SOCS6: variants seen among roughly 807,000 people sequenced by gnomAD.
The protein encoded by SOCS6 is STAT induced STAT inhibitor-4.
A neutral mutation model predicts 27.7 loss-of-function variants in SOCS6; 5 were observed. The observed-to-expected ratio is 0.18, with a 90% CI of 0.09 to 0.38. The LOEUF (loss-of-function observed/expected upper bound fraction) is 0.38. Ranked by LOEUF, SOCS6 falls within the 10% of genes least tolerant of loss-of-function variation. The pLI, the probability that SOCS6 is intolerant of heterozygous loss-of-function variation, is 1.00. For synonymous variants in SOCS6, 271 were observed against 260.0 expected, an observed-to-expected ratio of 1.04 and a Z score of -0.41; for missense variants, 595 against 688.1, an observed-to-expected ratio of 0.86 and a Z score of 1.51.
intron 1 of SOCS6, among the ~76,000 whole-genome samples, chr18:70,313,292 T>G (rs959484486): frequency 6.6e-6 from 1 of 152,210 alleles, no homozygotes; most frequent in African/African-American, 2.4e-5. Context: ...ACAGCACAGT[T>G]TATGTTACAA....
chr18:70,313,734 T>C (rs920183083), intron 1 of SOCS6, among the ~76,000 whole-genome samples: 3 of 152,212 alleles, frequency 2.0e-5, no homozygotes, highest in African/African-American at 7.2e-5. Flanking sequence ...TTCCCTCCTC[T>C]AGCGTTAAGC....
At chr18:70,304,458 C>T (rs2062360986) in intron 1 of SOCS6, among the ~76,000 whole-genome samples, 1 of 152,094 alleles carries the variant, frequency 6.6e-6, no homozygotes. Flanking sequence ...TTCTCTGCAT[C>T]CCTCCCTTTG....
At chr18:70,308,810 A>G (rs2062379234) in intron 1 of SOCS6, among the ~76,000 whole-genome samples, 1 of 152,120 alleles carries the variant, frequency 6.6e-6, no homozygotes, top group African/African-American at 2.4e-5. Context: ...TCATTTTGAA[A>G]TGCCCCTTTT....
chr18:70,294,130 A>G (rs1225084819), intron 1 of SOCS6, among the ~76,000 whole-genome samples: 2 of 151,956 alleles, frequency 1.3e-5, no homozygotes, highest in African/African-American at 2.4e-5. Context: ...GAGATAATGC[A>G]TGTTAGTGTA....
chr18:70,312,086 A>T (rs1568601030), intron 1 of SOCS6, among the ~76,000 whole-genome samples: 1 of 152,218 alleles, frequency 6.6e-6, no homozygotes, highest in African/African-American at 2.4e-5. Context: ...CATCACATAT[A>T]TTAATGCATT....
At chr18:70,320,048 G>A (rs1029450667) in intron 1 of SOCS6, among the ~76,000 whole-genome samples, 2 of 151,944 alleles carry the variant, frequency 1.3e-5, no homozygotes, top group Non-Finnish European at 2.9e-5. Flanking sequence ...CTGGAGTGCA[G>A]TGGTGTGATC....
chr18:70,296,743 A>G (rs2062324501), intron 1 of SOCS6: 1 of 152,178 alleles, frequency 6.6e-6, no homozygotes, highest in Non-Finnish European at 1.5e-5. Context: ...TTGCCTAAAT[A>G]CTAACATTTT....
intron 1 of SOCS6, among the ~76,000 whole-genome samples, chr18:70,294,040 G>A (rs369006736): frequency 1.3e-5 from 2 of 151,020 alleles, no homozygotes; most frequent in Non-Finnish European, 2.9e-5. Flanking sequence ...GTGGTGAGCC[G>A]AGATTGTGCC....
Position 70,327,742 on chromosome 18 carries a change from A to C in SOCS6, c.*1466A>C, listed in dbSNP as rs1467978598. The stretch of plus-strand genomic sequence containing the variant: ...ATTTTCAGCTACACACCTTTAAAGG[A>C]AAATGTTTCTATCTCAGATGAAACA... On this transcript the variant is annotated 3_prime_UTR_variant, in exon 2 of 2. Transcript: ENST00000397942. The C allele has an allele frequency of 6.0e-6, 1 of 167,000 alleles. No individual in the cohort carries two copies. The highest frequency in any genetic ancestry group is 1.5e-5 in the Non-Finnish European group (1 of 68,096). The allele number at this position is 167,000 out of a possible 1,614,324, so 10.3% of individuals were successfully genotyped here. A position where few individuals can be genotyped will look rare whatever the true frequency, so the allele number is the denominator to read the frequency against.
chr18:70,318,241 C>T (rs1262603024), intron 1 of SOCS6, among the ~76,000 whole-genome samples: 1 of 152,084 alleles, frequency 6.6e-6, no homozygotes, highest in East Asian at 1.9e-4. Context: ...CATTTTTAGC[C>T]ACCTGCATTT....
At chr18:70,324,407 C>T (rs1911106881) in intron 1 of SOCS6, 136 bp from the exon 2 acceptor site, 1 of 297,564 alleles carries the variant, frequency 3.4e-6, no homozygotes, top group African/African-American at 2.2e-5. Context: ...AGAAAGAAAG[C>T]CCGGTCCTAA....
Position 70,328,036 on chromosome 18 carries a change from C to T in SOCS6, c.*1760C>T, listed in dbSNP as rs1600173747. 2 of 166,810 alleles carry T rather than the reference C, an allele frequency of 1.2e-5. No individual in the cohort carries two copies. Among genetic ancestry groups the T allele is most frequent in the African/African-American group, 4.8e-5 (2 of 41,386 alleles). The allele number at this position is 166,810 out of a possible 1,614,324, so 10.3% of individuals were successfully genotyped here. A position where few individuals can be genotyped will look rare whatever the true frequency, so the allele number is the denominator to read the frequency against. On this transcript the variant is annotated 3_prime_UTR_variant, in exon 2 of 2. Transcript: ENST00000397942. ...AATTTTGGTGGGATGTTGATTGTACCTTGTTAAAAAGACTCTCATTTTCTC... is the reference window on the plus strand; with the variant it reads ...AATTTTGGTGGGATGTTGATTGTACTTTGTTAAAAAGACTCTCATTTTCTC...
At chr18:70,316,250 A>T (rs184453275) in intron 1 of SOCS6, among the ~76,000 whole-genome samples, 57 of 151,538 alleles carry the variant, frequency 3.8e-4, no homozygotes, top group Middle Eastern at 6.8e-3. Flanking sequence ...AATTTAATTA[A>T]TTTTTTTTTG....
intron 1 of SOCS6, among the ~76,000 whole-genome samples, chr18:70,316,093 G>A (rs1247798102): frequency 8.6e-5 from 13 of 151,604 alleles, no homozygotes; most frequent in South Asian, 6.2e-4. Flanking sequence ...CAAGTGATCC[G>A]CCCGCCTCGA....
chr18:70,318,380 C>G (rs903396559), intron 1 of SOCS6, among the ~76,000 whole-genome samples: 2 of 151,980 alleles, frequency 1.3e-5, no homozygotes, highest in African/African-American at 4.8e-5. Flanking sequence ...TGAGCATCAC[C>G]CATGCCCGGG....
At chr18:70,320,770 A>G (rs1451978947) in intron 1 of SOCS6, among the ~76,000 whole-genome samples, 1 of 152,150 alleles carries the variant, frequency 6.6e-6, no homozygotes, top group Admixed American at 6.6e-5. Context: ...TCCACAGGGG[A>G]TCCTGGGATG....
intron 1 of SOCS6, among the ~76,000 whole-genome samples, chr18:70,322,476 T>G (rs1911027087): frequency 6.6e-6 from 1 of 152,218 alleles, no homozygotes; most frequent in South Asian, 2.1e-4. Context: ...TGCCAAGTAC[T>G]TTTACCGTGG....
rs1450023082 is a variant in SOCS6, at chr18:70,329,809, G to A, written c.*3533G>A. On this transcript the variant is annotated 3_prime_UTR_variant, in exon 2 of 2. Coordinates refer to ENST00000397942, the MANE Select transcript of SOCS6 (RefSeq NM_004232.4). Reference sequence around the variant, plus strand: ...TTATAAACATTCTTTTTATTAATCAGTCATAACATGGCGAAGTGTGTAGTT... The same window carrying A: ...TTATAAACATTCTTTTTATTAATCAATCATAACATGGCGAAGTGTGTAGTT... 1 of 166,960 alleles carries A rather than the reference G, an allele frequency of 6.0e-6. No individual in the cohort carries two copies. Among genetic ancestry groups the A allele is most frequent in the African/African-American group, 2.4e-5 (1 of 41,414 alleles). The allele number at this position is 166,960 out of a possible 1,614,324, so 10.3% of individuals were successfully genotyped here.
chr18:70,325,813 A>G lies in SOCS6; in HGVS notation c.1145A>G (p.Gln382Arg), dbSNP rs1911186497. The G allele has an allele frequency of 1.2e-6, 2 of 1,614,142 alleles. No homozygotes were observed. Among genetic ancestry groups the G allele is most frequent in the African/African-American group, 1.3e-5 (1 of 74,948 alleles). ...LTEELKKLAK[Q>R]GWYWGPITRW... ...GAGGAGCTGAAAAAACTTGCAAAGC[A>G]AGGATGGTACTGGGGACCAATCACA... Residue 382 changes from glutamine to arginine, a missense_variant, in exon 2 of 2, where the codon CAA (glutamine) becomes CGA (arginine). By Grantham distance (43) the Gln-to-Arg change is conservative (BLOSUM62 1). Coordinates refer to ENST00000397942, the MANE Select transcript of SOCS6 (RefSeq NM_004232.4). The surrounding 1 kb of genome is among the most constrained non-coding windows in gnomAD (Gnocchi z 6.3).
Sources: allele counts gnomAD v4.1 joint callset (sites outside exome capture counted in the v4.1 genomes callset), GRCh38; gene constraint gnomAD v4.1.1; non-coding constraint Gnocchi (gnomAD v3.1); transcripts MANE v1.5; gene names NCBI Gene and HGNC (gene_info 2026-07-23, HGNC 2026-07-21).